The following FKBP4 variants were observed in gnomAD, a reference collection of about 807,000 sequenced individuals.
The protein encoded by FKBP4 is peptidyl-prolyl cis-trans isomerase FKBP4.
In FKBP4, 28 loss-of-function variants were observed where a neutral mutation model predicts 54.1. The observed-to-expected ratio is 0.52, with a 90% CI of 0.38 to 0.71. The LOEUF is 0.71. FKBP4 is among the 30% of genes least tolerant of loss of function. The pLI is 0.00. For synonymous variants in FKBP4, 223 were observed against 216.1 expected (o/e 1.03, Z -0.28); for missense variants, 493 against 574.4 (o/e 0.86, Z 1.45).
chr12:2,795,845 C>T lies in FKBP4; in HGVS notation c.105+601C>T, dbSNP rs112485315. ...GGGGTCCCCTGCCGACGCCGGGACC[C>T]AGCGAGGTCCCCACTCGCCGCGCGG... On this transcript the variant is annotated intron_variant, in intron 1 of 9. Coordinates refer to ENST00000001008, the MANE Select transcript of FKBP4 (RefSeq NM_002014.4). The surrounding 1 kb of genome is among the most constrained non-coding windows in gnomAD (Gnocchi z 4.3). 3,430 of 597,378 alleles carry T rather than the reference C, an allele frequency of 5.7e-3. 102 individuals are homozygous for T. In the African/African-American group the frequency reaches 0.064, roughly 11 times the overall value. The allele number at this position is 597,378 out of a possible 1,614,324, so 37.0% of individuals were successfully genotyped here.
Position 2,795,043 on chromosome 12 carries a change from C to A in FKBP4, c.-97C>A. 3.0e-6 allele frequency: 2 copies of A among 672,158 alleles called. No homozygotes were observed. The highest frequency in any genetic ancestry group is 7.2e-5 in the South Asian group (1 of 13,842). The allele number at this position is 672,158 out of a possible 1,614,324, so 41.6% of individuals were successfully genotyped here. A position where few individuals can be genotyped will look rare whatever the true frequency, so the allele number is the denominator to read the frequency against. On this transcript the variant is annotated 5_prime_UTR_variant, in exon 1 of 10. Coordinates refer to ENST00000001008, the MANE Select transcript of FKBP4 (RefSeq NM_002014.4). This position sits in a 1 kb window ranked among gnomAD's most constrained non-coding sequence, Gnocchi z 4.3. ...GGTCCGCAGTCAGTGCCGCCGCGCC[C>A]GGCCTCCCGCACGCCCCGCAGGTAG...
chr12:2,798,713 TGTTTGA>T lies in FKBP4; in HGVS notation c.406_411del (p.Glu136_Phe137del), dbSNP rs2097903194. 1 of 1,613,588 alleles carries T rather than the reference TGTTTGA, an allele frequency of 6.2e-7. No individual in the cohort carries two copies. The highest frequency in any genetic ancestry group is 8.5e-7 in the Non-Finnish European group (1 of 1,179,984). On this transcript the variant is annotated inframe_deletion, in exon 4 of 10. Transcript: ENST00000001008. The surrounding 1 kb of genome is among the most constrained non-coding windows in gnomAD (Gnocchi z 4.3). ...TCACATCTTGTCCCACAGGTGGAGT[TGTTTGA>T]GTTTAAGGGAGAAGATCTGACGGAA...
In FKBP4 at chr12:2,804,983, G is replaced by C. The variant is rs1412075679; in HGVS notation, c.*1725G>C. 3.3e-6 allele frequency: 1 copy of C among 302,684 alleles called. No homozygotes were observed. The highest frequency in any genetic ancestry group is 6.5e-6 in the Non-Finnish European group (1 of 153,554). The allele number at this position is 302,684 out of a possible 1,614,324, so 18.7% of individuals were successfully genotyped here. ...CTCACATCACAGCCCTGTGTTTGTG[G>C]TTTGTGTCTGGGTCCTCTTGGTATT... On this transcript the variant is annotated 3_prime_UTR_variant, in exon 10 of 10. Transcript: ENST00000001008.
rs1022781778 is a variant in FKBP4 at position 2,798,445 on chromosome 12, C to T, written c.394-261C>T. Among the ~76,000 whole-genome samples, 8 of 152,128 alleles carry T rather than the reference C, an allele frequency of 5.3e-5. No individual in the cohort carries two copies. Among genetic ancestry groups the T allele is most frequent in the Middle Eastern group, 3.2e-3 (1 of 316 alleles). On this transcript the variant is annotated intron_variant, in intron 3 of 9. Transcript: ENST00000001008. The surrounding 1 kb of genome is among the most constrained non-coding windows in gnomAD (Gnocchi z 4.3). ...TATCTGGGACGCGTCCTGATATGTCCGTGTTAGTAGAGCAGGTAGCAAATA... is the reference window on the plus strand; with the variant it reads ...TATCTGGGACGCGTCCTGATATGTCTGTGTTAGTAGAGCAGGTAGCAAATA...
At position 2,800,584 on chromosome 12, in the gene FKBP4, C is replaced by G. The variant is rs752385363; in HGVS notation, c.1032+7C>G. 4 of 1,601,060 alleles carry G rather than the reference C, an allele frequency of 2.5e-6. No individual in the cohort carries two copies. In the South Asian group the frequency reaches 3.4e-5, roughly 13 times the overall value. On this transcript the variant is annotated splice_region_variant and intron_variant, in intron 8 of 9. Transcript: ENST00000001008. The stretch of plus-strand genomic sequence containing the variant: ...CATTGAAAGCTGTAACAAGGTGAGG[C>G]CCCCTCAGAGGTCATGGAAGCAGCA...
At chr12:2,802,064 C>A (rs1412521422) in intron 9 of FKBP4, among the ~76,000 whole-genome samples, 1 of 152,202 alleles carries the variant, frequency 6.6e-6, no homozygotes, top group Non-Finnish European at 1.5e-5. Context: ...CTTTCTTAGG[C>A]TTACATTGTA....
chr12:2,795,757 A>T lies in FKBP4; in HGVS notation c.105+513A>T. 1 of 162,788 alleles carries T rather than the reference A, an allele frequency of 6.1e-6. No homozygotes were observed. The highest frequency in any genetic ancestry group is 1.3e-5 in the Non-Finnish European group (1 of 77,842). 10.1% of individuals were successfully genotyped at this position (162,788 alleles called of 1,614,324 possible). ...GCCAGGACGGGGAGCGACTCCCCAC[A>T]GTGCTTTCCTGGCCCTTCGGCCTTT... On this transcript the variant is annotated intron_variant, in intron 1 of 9. Transcript: ENST00000001008. The surrounding 1 kb of genome is among the most constrained non-coding windows in gnomAD (Gnocchi z 4.3).
chr12:2,803,049 C>T, intron 9 of FKBP4, 102 bp from the exon 10 acceptor site: 1 of 846,430 alleles, frequency 1.2e-6, no homozygotes, highest in East Asian at 2.7e-5. Flanking sequence ...AGCTTTAGGA[C>T]AGATGTAGGA....
intron 5 of FKBP4, 113 bp from the exon 6 acceptor site, chr12:2,799,737 A>G: frequency 2.3e-6 from 2 of 886,214 alleles, no homozygotes; most frequent in Non-Finnish European, 3.6e-6. Flanking sequence ...AAACATTTGA[A>G]CCAAGTCTCA....
rs1021220638 is a variant in FKBP4, at chr12:2,798,859, A to T, written c.514+33A>T. On this transcript the variant is annotated intron_variant, in intron 4 of 9. Transcript: ENST00000001008. The surrounding 1 kb of genome is among the most constrained non-coding windows in gnomAD (Gnocchi z 4.3). ...AGTACAGTCTGGGCTTTCAATTCTC[A>T]TTCTGATATTTAGGCCTTGTGTGGC... 3.7e-6 allele frequency: 6 copies of T among 1,605,966 alleles called. No homozygotes were observed. In the Middle Eastern group the frequency reaches 1.0e-3, roughly 266 times the overall value.
In FKBP4 at chr12:2,799,889, C is replaced by T; in HGVS notation, c.711C>T (p.Ile237=). Residue 237 remains isoleucine (I), a synonymous_variant, in exon 6 of 10, where the codon ATC becomes ATT. Coordinates refer to ENST00000001008, the MANE Select transcript of FKBP4 (RefSeq NM_002014.4). ...GTGTTGGGAAGGAAAAGTTCCAAAT[C>T]CCACCAAATGCTGAGCTGAAATATG... ...FGSVGKEKFQ[I]PPNAELKYEL... 1.9e-6 allele frequency: 3 copies of T among 1,614,144 alleles called. No individual in the cohort carries two copies. The highest frequency in any genetic ancestry group is 2.5e-6 in the Non-Finnish European group (3 of 1,180,008).
Position 2,799,133 on chromosome 12 carries a change from A to C in FKBP4, c.560A>C (p.Glu187Ala), listed in dbSNP as rs747679046. The change falls in exon 5 of 10, where the codon GAG becomes GCG. Residue 187 changes from glutamate to alanine, a missense_variant. Glu to Ala is a moderately radical substitution (Grantham distance 107). Coordinates refer to ENST00000001008, the MANE Select transcript of FKBP4 (RefSeq NM_002014.4). ...YYKDKLFDQR[E>A]LRFEIGEGEN... ...AAGGACAAGCTCTTTGACCAGCGGG[A>C]GCTCCGCTTTGAGATTGGCGAGGGG... 1.3e-6 allele frequency: 2 copies of C among 1,578,552 alleles called. No homozygotes were observed. Among genetic ancestry groups the C allele is most frequent in the Admixed American group, 3.8e-5 (2 of 52,256 alleles).
In FKBP4 at chr12:2,795,103, G is replaced by C. The variant is rs369642045; in HGVS notation, c.-37G>C. 9.5e-5 allele frequency: 119 copies of C among 1,256,062 alleles called. No individual in the cohort carries two copies. In the African/African-American group the frequency reaches 1.4e-3, roughly 15 times the overall value. The allele number at this position is 1,256,062 out of a possible 1,614,324, so 77.8% of individuals were successfully genotyped here. On this transcript the variant is annotated 5_prime_UTR_variant, in exon 1 of 10. Coordinates refer to ENST00000001008, the MANE Select transcript of FKBP4 (RefSeq NM_002014.4). The surrounding 1 kb of genome is among the most constrained non-coding windows in gnomAD (Gnocchi z 4.3). ...CCGCGGCCCAGAGTGCGCTCGCGCC[G>C]GCACCAGCTCCCGGATAAACGGCGC... is the stretch of plus-strand genomic sequence containing the variant.
At chr12:2,800,222 C>A in intron 7 of FKBP4, 100 bp downstream of exon 7, 1 of 1,436,854 alleles carries the variant, frequency 7.0e-7, no homozygotes, top group Non-Finnish European at 9.7e-7. Flanking sequence ...AAGAAGTGGA[C>A]AGGTTGGCAC....
Position 2,801,362 on chromosome 12 carries a change from G to A in FKBP4, c.1272+6G>A, listed in dbSNP as rs1200535034. 2 of 1,613,860 alleles carry A rather than the reference G, an allele frequency of 1.2e-6. No individual in the cohort carries two copies. The highest frequency in any genetic ancestry group is 1.7e-6 in the Non-Finnish European group (2 of 1,179,902). ...TGGCTGAGGAGGAGAACAAGGTGAG[G>A]ATTGGGGTGGGGAACAGTTGGAATA... On this transcript the variant is annotated splice_donor_region_variant and intron_variant, in intron 9 of 9. Transcript: ENST00000001008.
In FKBP4 at chr12:2,798,821, T is replaced by C; in HGVS notation, c.509T>C (p.Val170Ala). ...GYAKPNEGAIVEVALEGYYKD... is the reference protein window; with the variant it reads ...GYAKPNEGAIAEVALEGYYKD... Reference sequence around the variant, plus strand: ...GCTAAGCCCAATGAGGGTGCTATCGTGGAGGGTGAGACAGTACAGTCTGGG... The same window carrying C: ...GCTAAGCCCAATGAGGGTGCTATCGCGGAGGGTGAGACAGTACAGTCTGGG... The change falls in exon 4 of 10, where the codon GTG (valine) becomes GCG (alanine). Residue 170 changes from valine (V) to alanine (A), a missense_variant. Physicochemically the swap from Val to Ala is moderately conservative, Grantham distance 64. Coordinates refer to ENST00000001008, the MANE Select transcript of FKBP4 (RefSeq NM_002014.4). This position sits in a 1 kb window ranked among gnomAD's most constrained non-coding sequence, Gnocchi z 4.3. 3 of 1,614,108 alleles carry C rather than the reference T, an allele frequency of 1.9e-6. No individual in the cohort carries two copies. Among genetic ancestry groups the C allele is most frequent in the Non-Finnish European group, 1.7e-6 (2 of 1,180,000 alleles).
chr12:2,800,468 A>G lies in FKBP4; in HGVS notation c.923A>G (p.Asn308Ser), dbSNP rs144630885. ...CTGGAATATGAGTCTAGTTTTTCCAATGAGGAAGCACAGAAAGCACAGGCC... is the reference window on the plus strand; with the variant it reads ...CTGGAATATGAGTCTAGTTTTTCCAGTGAGGAAGCACAGAAAGCACAGGCC... ...SWLEYESSFSNEEAQKAQALR... is the reference protein window; with the variant it reads ...SWLEYESSFSSEEAQKAQALR... The change falls in exon 8 of 10, where the codon AAT becomes AGT. Residue 308 changes from asparagine to serine, a missense_variant. Transcript: ENST00000001008. 1.1e-4 allele frequency: 182 copies of G among 1,614,174 alleles called. No homozygotes were observed. In the African/African-American group the frequency reaches 1.4e-3, roughly 13 times the overall value.
Position 2,801,177 on chromosome 12 carries a change from G to A in FKBP4, c.1093G>A (p.Ala365Thr). 1 of 1,613,638 alleles carries A rather than the reference G, an allele frequency of 6.2e-7. No individual in the cohort carries two copies. Among genetic ancestry groups the A allele is most frequent in the East Asian group, 2.2e-5 (1 of 44,876 alleles). ...GLFRRGEAHL[A>T]VNDFELARAD... ...CTTCCGCCGGGGAGAGGCCCACCTG[G>A]CCGTGAATGACTTTGAACTGGCACG... Residue 365 changes from alanine (A) to threonine (T), a missense_variant, in exon 9 of 10, where the codon GCC becomes ACC. Coordinates refer to ENST00000001008, the MANE Select transcript of FKBP4 (RefSeq NM_002014.4).
In FKBP4 at chr12:2,798,720, G is replaced by GT; in HGVS notation, c.411dup (p.Lys138Ter). On this transcript the variant is annotated frameshift_variant, in exon 4 of 10. Transcript: ENST00000001008. LOFTEE classifies it high-confidence loss of function. The surrounding 1 kb of genome is among the most constrained non-coding windows in gnomAD (Gnocchi z 4.3). ...TTGTCCCACAGGTGGAGTTGTTTGAGTTTAAGGGAGAAGATCTGACGGAAG... is the reference window on the plus strand; with the variant it reads ...TTGTCCCACAGGTGGAGTTGTTTGAGTTTTAAGGGAGAAGATCTGACGGAAG... 1.9e-6 allele frequency: 3 copies of GT among 1,613,814 alleles called. No individual in the cohort carries two copies. The highest frequency in any genetic ancestry group is 2.5e-6 in the Non-Finnish European group (3 of 1,180,020).
Sources: allele counts gnomAD v4.1 joint callset (sites outside exome capture counted in the v4.1 genomes callset), GRCh38; gene constraint gnomAD v4.1.1; non-coding constraint Gnocchi (gnomAD v3.1); transcripts MANE v1.5; gene names NCBI Gene and HGNC (gene_info 2026-07-23, HGNC 2026-07-21).